BAZ2B: variants seen among roughly 807,000 people sequenced by gnomAD.
BAZ2B encodes the protein bromodomain adjacent to zinc finger domain protein 2B.
In BAZ2B, 91 loss-of-function variants were observed where a neutral mutation model predicts 246.0. The ratio of observed to expected loss-of-function variants is 0.37; its 90% confidence interval spans 0.31 to 0.44. The LOEUF is 0.44. BAZ2B is among the 20% of genes least tolerant of loss of function. The pLI is 1.00. For synonymous variants in BAZ2B, 855 were observed against 860.0 expected (o/e 0.99, Z 0.10); for missense variants, 2,332 against 2,533.7 (o/e 0.92, Z 1.71).
At chr2:159,347,983 C>T (rs1161760951) in intron 30 of BAZ2B, among the ~76,000 whole-genome samples, 2 of 152,036 alleles carry the variant, frequency 1.3e-5, no homozygotes, top group East Asian at 1.9e-4. Context: ...CCCCCTCTGC[C>T]CCCATGAATA....
At chr2:159,685,803 TAA>T in the BAZ2B span, among the ~76,000 whole-genome samples, 1 of 152,178 alleles carries the variant, frequency 6.6e-6, no homozygotes, top group Non-Finnish European at 1.5e-5. Context: ...AAATAATAAA[TAA>T]GAGTGAAATC....
At chr2:159,418,971 T>C (rs2068248787) in intron 13 of BAZ2B, among the ~76,000 whole-genome samples, 1 of 152,222 alleles carries the variant, frequency 6.6e-6, no homozygotes, top group South Asian at 2.1e-4. Flanking sequence ...AGGCAATTGG[T>C]CTGACAATTT....
chr2:159,575,781 T>C (rs189998038), intron 1 of BAZ2B, among the ~76,000 whole-genome samples: 1 of 152,340 alleles, frequency 6.6e-6, no homozygotes, highest in East Asian at 1.9e-4. Flanking sequence ...CTTGAAGTGA[T>C]ACTAGTATGT....
intron 16 of BAZ2B, among the ~76,000 whole-genome samples, chr2:159,403,205 G>C (rs1366596873): frequency 6.6e-6 from 1 of 152,112 alleles, no homozygotes; most frequent in African/African-American, 2.4e-5. Flanking sequence ...CTATATAACA[G>C]AGAGTATGAG....
chr2:159,561,064 A>G (rs72960217), intron 1 of BAZ2B, among the ~76,000 whole-genome samples: 9,016 of 152,266 alleles, frequency 0.059, 391 homozygotes, highest in East Asian at 0.22. Context: ...ATGCTGTCCA[A>G]TATATACCTG....
intron 2 of BAZ2B, among the ~76,000 whole-genome samples, chr2:159,503,699 C>A (rs145365565): frequency 0.059 from 9,043 of 152,158 alleles, 391 homozygotes; most frequent in Non-Finnish European, 0.096. Flanking sequence ...CCTGCCTCAG[C>A]CTCCCAAGTA....
Position 159,350,081 on chromosome 2 carries a change from G to A in BAZ2B, c.4490C>T (p.Thr1497Met), listed in dbSNP as rs375978952. 9.9e-6 allele frequency: 16 copies of A among 1,613,970 alleles called. No homozygotes were observed. In the African/African-American group the frequency reaches 1.2e-4, roughly 12 times the overall value. ...TTTTCCACTGTTCTGATAAGACAAC[G>A]TGCACCCATTTGCACCAGCATTTGG... ...PKPNAGANGC[T>M]LSYQNSGKHS... Residue 1497 changes from threonine (T) to methionine (M), a missense_variant, in exon 28 of 37, where the codon ACG becomes ATG. Physicochemically the swap from Thr to Met is moderately conservative, Grantham distance 81 (BLOSUM62 -1). Transcript: ENST00000392783.
At chr2:159,399,659 T>A (rs2064650648) in intron 17 of BAZ2B, among the ~76,000 whole-genome samples, 1 of 152,174 alleles carries the variant, frequency 6.6e-6, no homozygotes, top group Non-Finnish European at 1.5e-5. Flanking sequence ...TTCCGGTTTT[T>A]AAAATTAATT....
chr2:159,437,780 C>T (rs186269890), intron 8 of BAZ2B: 279 of 152,702 alleles, frequency 1.8e-3, no homozygotes, highest in Non-Finnish European at 3.1e-3. Flanking sequence ...AGCCTGGTGT[C>T]GTGACGCATG....
rs766794952 is a variant in BAZ2B, at chr2:159,400,680, T to C, written c.2833-16A>G. On this transcript the variant is annotated splice_polypyrimidine_tract_variant and intron_variant, in intron 16 of 36. Transcript: ENST00000392783. The stretch of plus-strand genomic sequence containing the variant: ...TAATTTTTTCCTGTAGGAAAAGTTA[T>C]GATAACTTGAGATAATAAAATAAAC... 4 of 1,384,516 alleles carry C rather than the reference T, an allele frequency of 2.9e-6. No homozygotes were observed. Among genetic ancestry groups the C allele is most frequent in the South Asian group, 2.5e-5 (2 of 81,064 alleles). 85.8% of individuals were successfully genotyped at this position (1,384,516 alleles called of 1,614,324 possible). A position where few individuals can be genotyped will look rare whatever the true frequency, so the allele number is the denominator to read the frequency against.
the BAZ2B span, among the ~76,000 whole-genome samples, chr2:159,671,983 A>T: frequency 6.6e-6 from 1 of 152,122 alleles, no homozygotes; most frequent in African/African-American, 2.4e-5. Context: ...TTCATCCCAG[A>T]AACATTTTGC....
intron 13 of BAZ2B, among the ~76,000 whole-genome samples, chr2:159,416,424 T>C (rs1390738255): frequency 6.6e-6 from 1 of 152,160 alleles, no homozygotes; most frequent in Non-Finnish European, 1.5e-5. Context: ...AGGTTTTCAT[T>C]TTTTTATTAT....
chr2:159,438,792 GTTC>G (rs2072877141), intron 7 of BAZ2B, 97 bp from the exon 8 acceptor site: 1 of 1,359,448 alleles, frequency 7.4e-7, no homozygotes, highest in African/African-American at 1.5e-5. Flanking sequence ...CTTTCAAAGT[GTTC>G]TTAATGCCTT....
chr2:159,328,654 G>C (rs531227699), intron 34 of BAZ2B, among the ~76,000 whole-genome samples: 2 of 152,126 alleles, frequency 1.3e-5, no homozygotes, highest in Non-Finnish European at 2.9e-5. Flanking sequence ...GTGCCCATGA[G>C]GGGTCCAATG....
chr2:159,551,435 C>T (rs2088218484), intron 2 of BAZ2B, among the ~76,000 whole-genome samples: 1 of 139,150 alleles, frequency 7.2e-6, no homozygotes, highest in African/African-American at 2.7e-5. Flanking sequence ...CACCACTGCA[C>T]TCCAGCCTGG....
intron 1 of BAZ2B, among the ~76,000 whole-genome samples, chr2:159,597,055 T>G (rs1030498818): frequency 1.3e-5 from 2 of 152,192 alleles, no homozygotes; most frequent in Non-Finnish European, 2.9e-5. Flanking sequence ...CATGCCAACA[T>G]CTATTATTTT....
chr2:159,430,991 T>C lies in BAZ2B; in HGVS notation c.2066A>G (p.His689Arg), dbSNP rs1353672198. ...TATGTGGAGGTTACGAGGTGTTGAG[T>C]GACCTGTGAGACTCATGGAAGGGCT... ...VKSPSMSLTG[H>R]STPRNLHIAK... The change falls in exon 10 of 37, where the codon CAC (histidine) becomes CGC (arginine). Residue 689 changes from histidine to arginine, a missense_variant. Around this residue, in one of 9 missense-constraint regions of BAZ2B, gnomAD observed 651 missense variants for 650.9 expected, o/e 1.00. Coordinates refer to ENST00000392783, the MANE Select transcript of BAZ2B (RefSeq NM_013450.4). 3.7e-6 allele frequency: 6 copies of C among 1,614,018 alleles called. No individual in the cohort carries two copies. The South Asian group carries it at 5.5e-5, about 15-fold the overall frequency.
intron 2 of BAZ2B, among the ~76,000 whole-genome samples, chr2:159,542,984 T>C (rs1226374232): frequency 6.6e-6 from 1 of 152,212 alleles, no homozygotes; most frequent in Non-Finnish European, 1.5e-5. Flanking sequence ...CATGTAACTC[T>C]GGGAAAATTC....
Position 159,325,868 on chromosome 2 carries a change from C to G in BAZ2B, c.5994G>C (p.Lys1998Asn), listed in dbSNP as rs2063642881. 2 of 1,594,176 alleles carry G rather than the reference C, an allele frequency of 1.3e-6. No individual in the cohort carries two copies. Among genetic ancestry groups the G allele is most frequent in the Admixed American group, 1.8e-5 (1 of 54,472 alleles). ...KIKKLHVKGK[K>N]TNESKKGKKV... Reference sequence around the variant, plus strand: ...TCTTGCCTTTCTTTGACTCATTAGTCTTTTTTCCTTTGACATGAAGTTTTT... The same window carrying G: ...TCTTGCCTTTCTTTGACTCATTAGTGTTTTTTCCTTTGACATGAAGTTTTT... The change falls in exon 35 of 37, where the codon AAG (lysine) becomes AAC (asparagine). Residue 1998 changes from lysine (K) to asparagine (N), a missense_variant. Around this residue, in one of 9 missense-constraint regions of BAZ2B, gnomAD observed 210 missense variants for 232.5 expected, o/e 0.90. Coordinates refer to ENST00000392783, the MANE Select transcript of BAZ2B (RefSeq NM_013450.4).
Sources: allele counts gnomAD v4.1 joint callset (sites outside exome capture counted in the v4.1 genomes callset), GRCh38; gene constraint gnomAD v4.1.1; regional missense constraint gnomAD v4.1.1; transcripts MANE v1.5; gene names NCBI Gene and HGNC (gene_info 2026-07-23, HGNC 2026-07-21).